The following WDR72 variants were observed in gnomAD, a reference collection of about 807,000 sequenced individuals.
WDR72 encodes the protein WD repeat-containing protein 72.
Under a neutral mutation model 124.2 loss-of-function variants are expected in WDR72, and 120 were observed. The ratio of observed to expected loss-of-function variants is 0.97; its 90% CI spans 0.83 to 1.12. WDR72 has a LOEUF of 1.12. Among genes scored for constraint, WDR72 ranks in the 50% most tolerant of loss-of-function variants. The probability of loss-of-function intolerance (pLI) is 0.00; values close to 1 mark genes in which losing one functional copy is unlikely to be tolerated. For missense variants in WDR72, 1,387 were observed against 1,278.8 expected, an observed-to-expected ratio of 1.08 and a Z score of -1.29; for synonymous variants, 452 against 441.7, an observed-to-expected ratio of 1.02 and a Z score of -0.29.
In WDR72 at chr15:53,616,121, T is replaced by C. The variant is rs2013756167; in HGVS notation, c.2085A>G (p.Pro695=). 2.5e-6 allele frequency: 4 copies of C among 1,604,570 alleles called. No individual in the cohort carries two copies. The highest frequency in any genetic ancestry group is 2.6e-6 in the Non-Finnish European group (3 of 1,174,462). ...DLENLVELLL[P]TPLSDVDSSS... ...AAGAGTCAACATCACTGAGTGGAGT[T>C]GGTAGCAAAAGTTCAACAAGGTTTT... Residue 695 remains proline, a synonymous_variant, in exon 15 of 20, where the codon CCA becomes CCG. Transcript: ENST00000360509.
intron 16 of WDR72, among the ~76,000 whole-genome samples, chr15:53,611,417 CCT>C (rs1389144021): frequency 7.2e-5 from 11 of 151,996 alleles, no homozygotes; most frequent in Non-Finnish European, 1.3e-4. Context: ...TTAGCAATCC[CCT>C]GTCTTTGCAG....
Position 53,523,253 on chromosome 15 carries a change from G to T in WDR72, c.3218C>A (p.Pro1073His). ...AGACTCTTCCAAGGCACATCTGTCAGGCATGTCCTCCACGTCTTGGAAGTT... is the reference window on the plus strand; with the variant it reads ...AGACTCTTCCAAGGCACATCTGTCATGCATGTCCTCCACGTCTTGGAAGTT... ...SANFQDVEDM[P>H]DRCALEESES... Residue 1073 changes from proline to histidine, a missense_variant, in exon 19 of 20, where the codon CCT becomes CAT. Transcript: ENST00000360509. 1 of 1,613,116 alleles carries T rather than the reference G, an allele frequency of 6.2e-7. No individual in the cohort carries two copies. Among genetic ancestry groups the T allele is most frequent in the Non-Finnish European group, 8.5e-7 (1 of 1,179,398 alleles).
At chr15:53,731,407 T>C (rs1371788674) in intron 2 of WDR72, among the ~76,000 whole-genome samples, 1 of 152,006 alleles carries the variant, frequency 6.6e-6, no homozygotes, top group African/African-American at 2.4e-5. Context: ...TTTCTCTGTA[T>C]CAGCACTCTG....
intron 18 of WDR72, among the ~76,000 whole-genome samples, chr15:53,571,667 C>CAACA (rs1291673780): frequency 2.6e-5 from 4 of 152,050 alleles, no homozygotes; most frequent in Non-Finnish European, 4.4e-5. Context: ...AACAATGCTG[C>CAACA]AACAAACAGG....
chr15:53,742,047 G>C (rs560418971), intron 1 of WDR72, among the ~76,000 whole-genome samples: 1 of 152,122 alleles, frequency 6.6e-6, no homozygotes, highest in African/African-American at 2.4e-5. Flanking sequence ...TAATTCTTAC[G>C]ATCACTTCTA....
chr15:53,626,341 G>A (rs990257190), intron 14 of WDR72, among the ~76,000 whole-genome samples: 1 of 152,316 alleles, frequency 6.6e-6, no homozygotes, highest in Non-Finnish European at 1.5e-5. Flanking sequence ...CACTTAGCCA[G>A]GCAGGAAAAA....
intron 14 of WDR72, 59 bp downstream of exon 14, chr15:53,665,513 T>C: frequency 1.3e-6 from 2 of 1,591,082 alleles, no homozygotes; most frequent in Non-Finnish European, 1.7e-6. Context: ...TATGAATGCA[T>C]ATAACTTCTT....
chr15:53,724,572 A>T (rs577385247), intron 2 of WDR72, among the ~76,000 whole-genome samples: 15 of 152,262 alleles, frequency 9.9e-5, no homozygotes, highest in African/African-American at 3.6e-4. Context: ...GATGTGCCAC[A>T]AACTTTTAAA....
intron 14 of WDR72, among the ~76,000 whole-genome samples, chr15:53,636,304 T>C (rs1396121589): frequency 2.0e-5 from 3 of 152,166 alleles, no homozygotes; most frequent in African/African-American, 7.2e-5. Context: ...CCTTTGTCAA[T>C]CCTAACCTGA....
chr15:53,581,021 TG>T (rs1468392602), intron 18 of WDR72, among the ~76,000 whole-genome samples: 1 of 151,986 alleles, frequency 6.6e-6, no homozygotes, highest in Non-Finnish European at 1.5e-5. Context: ...ATGCAAATCT[TG>T]TGTATTAAAT....
At chr15:53,707,706 A>T (rs1360919925) in intron 9 of WDR72, among the ~76,000 whole-genome samples, 2 of 152,158 alleles carry the variant, frequency 1.3e-5, no homozygotes, top group African/African-American at 4.8e-5. Context: ...TCGGCCTCCC[A>T]AAGTGCTGGG....
At chr15:53,577,016 G>C (rs916427591) in intron 18 of WDR72, among the ~76,000 whole-genome samples, 1 of 152,080 alleles carries the variant, frequency 6.6e-6, no homozygotes, top group African/African-American at 2.4e-5. Flanking sequence ...TCCAAGACTG[G>C]GCAGTCTCTA....
intron 1 of WDR72, among the ~76,000 whole-genome samples, chr15:53,736,519 G>C (rs186754032): frequency 4.1e-4 from 63 of 152,330 alleles, no homozygotes; most frequent in Admixed American, 1.2e-3. Flanking sequence ...TGGCCCTGCT[G>C]TGAGGGGCCA....
intron 18 of WDR72, among the ~76,000 whole-genome samples, chr15:53,530,576 A>G (rs1892394033): frequency 6.6e-6 from 1 of 152,050 alleles, no homozygotes; most frequent in Non-Finnish European, 1.5e-5. Context: ...ATAAATAGAT[A>G]CCCACATATT....
chr15:53,552,352 C>T (rs1299901099), intron 18 of WDR72, among the ~76,000 whole-genome samples: 1 of 152,122 alleles, frequency 6.6e-6, no homozygotes, highest in East Asian at 1.9e-4. Flanking sequence ...TCAATATATG[C>T]AGTGTCACAA....
Position 53,615,599 on chromosome 15 carries a change from G to C in WDR72, c.2607C>G (p.Asp869Glu), listed in dbSNP as rs750368032. ...GVNLFSRKVL[D>E]LSDKYTATLP... ...GAGTGGCTGTGTATTTATCTGACAA[G>C]TCCAAAACTTTCCTGGAAAATAAAT... The change falls in exon 15 of 20, where the codon GAC (aspartate) becomes GAG (glutamate). Residue 869 changes from aspartate to glutamate, a missense_variant. Transcript: ENST00000360509. The C allele has an allele frequency of 6.2e-7, 1 of 1,612,832 alleles. No individual in the cohort carries two copies. The highest frequency in any genetic ancestry group is 1.3e-5 in the African/African-American group (1 of 74,972).
At chr15:53,748,396 G>C (rs1167882881) in intron 1 of WDR72, among the ~76,000 whole-genome samples, 1 of 151,934 alleles carries the variant, frequency 6.6e-6, no homozygotes, top group African/African-American at 2.4e-5. Context: ...TATTTGTTTT[G>C]GAATCACCTT....
intron 7 of WDR72, 85 bp from the exon 8 acceptor site, chr15:53,711,566 TAAC>T (rs1321127448): frequency 2.0e-5 from 28 of 1,401,504 alleles, no homozygotes; most frequent in Non-Finnish European, 2.6e-5. Context: ...AGTAATAATA[TAAC>T]AACATAGTAA....
intron 18 of WDR72, among the ~76,000 whole-genome samples, chr15:53,537,479 C>T (rs1892823712): frequency 6.6e-6 from 1 of 152,080 alleles, no homozygotes. Context: ...TATTAAAATG[C>T]CCAGTTCAAA....
Sources: gnomAD v4.1 joint callset for allele counts (sites outside exome capture counted in the v4.1 genomes callset) on GRCh38, gnomAD v4.1.1 for gene constraint, MANE v1.5 for transcripts, NCBI Gene and HGNC (gene_info 2026-07-23, HGNC 2026-07-21) for gene names.